Variants in TTLL13 observed in about 807,000 individuals in gnomAD.
TTLL13 encodes tubulin tyrosine ligase like 13.
chr15:90,250,105 C>T, the TTLL13 span, among the ~76,000 whole-genome samples: 1 of 150,690 alleles, frequency 6.6e-6, no homozygotes, highest in Non-Finnish European at 1.5e-5. Context: ...TTACAGGCAA[C>T]GCACCAGCAC....
the TTLL13 span, among the ~76,000 whole-genome samples, chr15:90,261,020 T>G: frequency 6.6e-6 from 1 of 152,024 alleles, no homozygotes; most frequent in Non-Finnish European, 1.5e-5. Context: ...TGGAAGGCTT[T>G]ATCTTCTTTC....
At chr15:90,259,715 G>A in the TTLL13 span, among the ~76,000 whole-genome samples, 4 of 152,258 alleles carry the variant, frequency 2.6e-5, no homozygotes, top group East Asian at 7.7e-4. Context: ...ATCTCCTTTA[G>A]AAACCAGTTC....
the TTLL13 span, chr15:90,257,327 T>G: frequency 1.3e-6 from 2 of 1,578,528 alleles, no homozygotes; most frequent in Non-Finnish European, 8.6e-7. Context: ...CCAAAAGTGC[T>G]GAGGTTCTCT....
chr15:90,256,600 T>TCTTC, the TTLL13 span, among the ~76,000 whole-genome samples: 77 of 34,006 alleles, frequency 2.3e-3, 3 homozygotes, highest in Admixed American at 2.5e-3. Context: ...TTTCTTTCTT[T>TCTTC]CTTTCTTTCC....
chr15:90,262,637 T>G, the TTLL13 span: 1 of 1,511,430 alleles, frequency 6.6e-7, no homozygotes, highest in Non-Finnish European at 8.8e-7. Context: ...TTCCACCCAC[T>G]TGGCTTACAG....
the TTLL13 span, among the ~76,000 whole-genome samples, chr15:90,250,081 C>T: frequency 6.6e-6 from 1 of 151,868 alleles, no homozygotes; most frequent in African/African-American, 2.4e-5. Flanking sequence ...CCTCAGCCTC[C>T]CGAGTAGCTG....
the TTLL13 span, chr15:90,255,668 C>T: frequency 6.3e-7 from 1 of 1,585,828 alleles, no homozygotes; most frequent in Non-Finnish European, 8.6e-7. Flanking sequence ...TTAACCTTCC[C>T]AATCCTCCTC....
chr15:90,261,388 T>C, the TTLL13 span, among the ~76,000 whole-genome samples: 1 of 151,908 alleles, frequency 6.6e-6, no homozygotes, highest in African/African-American at 2.4e-5. Context: ...CACTTTTTTT[T>C]TTTTTTTCAA....
the TTLL13 span, among the ~76,000 whole-genome samples, chr15:90,256,709 G>A: frequency 7.0e-6 from 1 of 143,252 alleles, no homozygotes; most frequent in Non-Finnish European, 1.5e-5. Flanking sequence ...TCTTTCTTTC[G>A]ATGGAGTCTC....
At chr15:90,256,354 A>T in the TTLL13 span, 1,135 of 1,606,286 alleles carry the variant, frequency 7.1e-4, 2 homozygotes, top group Non-Finnish European at 8.8e-4. Flanking sequence ...GGGCTGCCTC[A>T]TCTCTCCCAA....
the TTLL13 span, chr15:90,253,498 C>T: frequency 1.9e-6 from 1 of 523,346 alleles, no homozygotes; most frequent in Middle Eastern, 2.9e-4. Flanking sequence ...AAGACCACCC[C>T]CAGGGTCTTC....
the TTLL13 span, chr15:90,256,173 G>A: frequency 4.1e-5 from 66 of 1,614,160 alleles, no homozygotes; most frequent in South Asian, 1.4e-4. Flanking sequence ...GGTCGTCAGC[G>A]AAAAGCCCGC....
chr15:90,260,429 TGAG>T, the TTLL13 span, among the ~76,000 whole-genome samples: 5 of 152,040 alleles, frequency 3.3e-5, no homozygotes, highest in Admixed American at 6.6e-5. Context: ...CCTGGGAGGC[TGAG>T]GTTATAGCGA....
At chr15:90,250,513 C>G in the TTLL13 span, 1 of 1,324,364 alleles carries the variant, frequency 7.6e-7, no homozygotes, top group East Asian at 2.3e-5. Context: ...GCAACTTTCC[C>G]TTATAACAGC....
chr15:90,264,723 G>C, the TTLL13 span: 1 of 1,535,902 alleles, frequency 6.5e-7, no homozygotes, highest in East Asian at 2.4e-5. Context: ...ACTGCAGAAG[G>C]ACAAGCCAGC....
chr15:90,253,426 A>G, the TTLL13 span: 1 of 1,326,922 alleles, frequency 7.5e-7, no homozygotes, highest in Non-Finnish European at 1.0e-6. Context: ...GACTATTCCC[A>G]CCTCCTTGCC....
chr15:90,261,987 C>G, the TTLL13 span: 3 of 1,521,946 alleles, frequency 2.0e-6, no homozygotes, highest in Non-Finnish European at 2.6e-6. Flanking sequence ...TCTTGACTCA[C>G]TGAGCTTGCT....
At chr15:90,263,645 C>T in the TTLL13 span, 17 of 598,520 alleles carry the variant, frequency 2.8e-5, no homozygotes, top group South Asian at 1.6e-4. Context: ...ATAGTGGCCG[C>T]GGCCTAGAAG....
At chr15:90,256,548 T>TCTTTCTTG in the TTLL13 span, among the ~76,000 whole-genome samples, 1 of 23,192 alleles carries the variant, frequency 4.3e-5, no homozygotes, top group Non-Finnish European at 7.6e-5. Flanking sequence ...CCTTCCTTTT[T>TCTTTCTTG]CTTTCTTTCT....
Sources: allele counts gnomAD v4.1 joint callset (sites outside exome capture counted in the v4.1 genomes callset), GRCh38; gene constraint gnomAD v4.1.1; transcripts MANE v1.5; gene names NCBI Gene and HGNC (gene_info 2026-07-23, HGNC 2026-07-21).